Variants in TACR1 observed in about 807,000 individuals in gnomAD.
TACR1 encodes the protein tachykinin receptor 1, also known as substance-P receptor.
TACR1 carries 25 observed loss-of-function variants against 35.8 expected under a neutral mutation model. The observed-to-expected ratio is 0.70, with a 90% CI of 0.51 to 0.98. The LOEUF (loss-of-function observed/expected upper bound fraction) is 0.98. Among genes scored for constraint, TACR1 ranks in the 50% least tolerant of loss-of-function variants. The probability of loss-of-function intolerance (pLI) is 0.00; values close to 1 mark genes in which losing one functional copy is unlikely to be tolerated. For synonymous variants in TACR1, 195 were observed against 206.7 expected (o/e 0.94, Z 0.48); for missense variants, 478 against 522.9 (o/e 0.91, Z 0.84).
At chr2:75,181,935 A>C (rs1232618545) in intron 1 of TACR1, among the ~76,000 whole-genome samples, 1 of 152,222 alleles carries the variant, frequency 6.6e-6, no homozygotes, top group Non-Finnish European at 1.5e-5. Context: ...TCTGTTTATC[A>C]AGCGCTCAAA....
chr2:75,137,697 C>G (rs1376573668), intron 1 of TACR1, among the ~76,000 whole-genome samples: 1 of 134,868 alleles, frequency 7.4e-6, no homozygotes, highest in African/African-American at 2.8e-5. Context: ...CCGCTGCCCT[C>G]CAGCCTGGGC....
intron 2 of TACR1, among the ~76,000 whole-genome samples, chr2:75,055,819 A>G (rs1418842601): frequency 1.3e-5 from 2 of 152,156 alleles, no homozygotes; most frequent in Non-Finnish European, 2.9e-5. Context: ...GGTCCCACCC[A>G]GAGTTTCAGA....
In TACR1 at chr2:75,198,608, G is replaced by A. The variant is rs139625218; in HGVS notation, c.327C>T (p.Asn109=). The A allele has an allele frequency of 5.5e-5, 89 of 1,614,222 alleles. No individual in the cohort carries two copies. In the African/African-American group the frequency reaches 9.9e-4, roughly 18 times the overall value. ...YYGLFYCKFH[N]FFPIAAVFAS... ...CGAAGACAGCGGCGATGGGAAAGAA[G>A]TTGTGGAACTTGCAGTAGAACAGGC... The change falls in exon 1 of 5, where the codon AAC becomes AAT. Residue 109 remains asparagine (N), a synonymous_variant. Transcript: ENST00000305249.
At chr2:75,101,892 C>A (rs992566970) in intron 2 of TACR1, among the ~76,000 whole-genome samples, 1 of 151,906 alleles carries the variant, frequency 6.6e-6, no homozygotes, top group Non-Finnish European at 1.5e-5. Flanking sequence ...TGCAGTGAAC[C>A]GAGATCGTGC....
chr2:75,116,091 T>C (rs1673852260), intron 2 of TACR1, among the ~76,000 whole-genome samples: 1 of 152,018 alleles, frequency 6.6e-6, no homozygotes, highest in South Asian at 2.1e-4. Flanking sequence ...TTTAAATTTT[T>C]ATAAGACACC....
chr2:75,129,095 GAA>G (rs901420075), intron 1 of TACR1, among the ~76,000 whole-genome samples: 5 of 152,170 alleles, frequency 3.3e-5, no homozygotes, highest in African/African-American at 1.2e-4. Context: ...AAAAAAGAAA[GAA>G]GAGAGTAGTT....
At chr2:75,108,755 C>T (rs1026199219) in intron 2 of TACR1, among the ~76,000 whole-genome samples, 17 of 152,020 alleles carry the variant, frequency 1.1e-4, no homozygotes, top group Admixed American at 9.8e-4. Flanking sequence ...TTATTAGAAT[C>T]AATAAATTGG....
At chr2:75,075,285 C>T (rs570739310) in intron 2 of TACR1, among the ~76,000 whole-genome samples, 2 of 152,324 alleles carry the variant, frequency 1.3e-5, no homozygotes, top group South Asian at 4.2e-4. Flanking sequence ...TTGGTATGGA[C>T]ATGCTACAAC....
intron 1 of TACR1, among the ~76,000 whole-genome samples, chr2:75,180,673 C>T (rs1265920602): frequency 2.0e-5 from 3 of 152,198 alleles, no homozygotes; most frequent in African/African-American, 4.8e-5. Flanking sequence ...CCAGTCATCC[C>T]TCCAGGGCCC....
intron 1 of TACR1, among the ~76,000 whole-genome samples, chr2:75,128,651 C>G (rs148431083): frequency 2.0e-5 from 3 of 152,018 alleles, no homozygotes; most frequent in East Asian, 1.9e-4. Flanking sequence ...AGACAGAGCG[C>G]GCATTTTTTT....
chr2:75,055,809 G>C (rs1672558070), intron 2 of TACR1, among the ~76,000 whole-genome samples: 2 of 152,098 alleles, frequency 1.3e-5, no homozygotes, highest in Non-Finnish European at 2.9e-5. Flanking sequence ...CACAGGGCTG[G>C]GTCCCACCCA....
intron 2 of TACR1, among the ~76,000 whole-genome samples, chr2:75,059,420 T>C (rs935485686): frequency 2.0e-5 from 3 of 152,316 alleles, no homozygotes; most frequent in East Asian, 1.9e-4. Context: ...TGGTTGCACA[T>C]TGGAATTGCC....
intron 2 of TACR1, among the ~76,000 whole-genome samples, chr2:75,105,211 G>A (rs1209979937): frequency 6.6e-6 from 1 of 152,054 alleles, no homozygotes; most frequent in East Asian, 1.9e-4. Context: ...CTTTAAAAAA[G>A]AAGATGCTTT....
At chr2:75,103,928 G>A (rs945614058) in intron 2 of TACR1, among the ~76,000 whole-genome samples, 3 of 151,876 alleles carry the variant, frequency 2.0e-5, no homozygotes, top group Non-Finnish European at 4.4e-5. Flanking sequence ...AAAGAGAAAG[G>A]AATCAAAGCA....
chr2:75,113,630 G>A (rs953430899), intron 2 of TACR1, among the ~76,000 whole-genome samples: 7 of 142,356 alleles, frequency 4.9e-5, no homozygotes, highest in African/African-American at 1.8e-4. Flanking sequence ...TTCCCCTGCA[G>A]TGTCAATGCA....
chr2:75,142,814 A>G (rs1271637143), intron 1 of TACR1, among the ~76,000 whole-genome samples: 1 of 152,110 alleles, frequency 6.6e-6, no homozygotes, highest in African/African-American at 2.4e-5. Flanking sequence ...TTATAAATAT[A>G]TGGATTCCTG....
At chr2:75,138,050 C>T (rs775166458) in intron 1 of TACR1, among the ~76,000 whole-genome samples, 14 of 152,214 alleles carry the variant, frequency 9.2e-5, no homozygotes, top group East Asian at 3.9e-4. Context: ...GTGAGGTGTA[C>T]TGGGAAAGAT....
chr2:75,092,651 C>T (rs1461720789), intron 2 of TACR1, among the ~76,000 whole-genome samples: 1 of 146,678 alleles, frequency 6.8e-6, no homozygotes, highest in Non-Finnish European at 1.5e-5. Context: ...CTGTGTCCAG[C>T]CACCAAAGCT....
chr2:75,193,855 T>C (rs1331114187), intron 1 of TACR1, among the ~76,000 whole-genome samples: 1 of 152,178 alleles, frequency 6.6e-6, no homozygotes, highest in Non-Finnish European at 1.5e-5. Context: ...AAATCAGTCT[T>C]ATTTGCCTTC....
Sources: allele counts gnomAD v4.1 joint callset (sites outside exome capture counted in the v4.1 genomes callset), GRCh38; gene constraint gnomAD v4.1.1; transcripts MANE v1.5; gene names NCBI Gene and HGNC (gene_info 2026-07-23, HGNC 2026-07-21).